Variants in CCDC80 observed in about 807,000 individuals in gnomAD.
The protein encoded by CCDC80 is coiled-coil domain-containing protein 80.
Under a neutral mutation model 78.7 loss-of-function variants are expected in CCDC80, and 49 were observed. The ratio of observed to expected loss-of-function variants is 0.62; its 90% CI spans 0.50 to 0.79. The LOEUF (loss-of-function observed/expected upper bound fraction) is 0.79, where lower values mean the gene tolerates loss of function less well. Among genes scored for constraint, CCDC80 ranks in the 30% least tolerant of loss-of-function variants. CCDC80 has a pLI of 0.00. For synonymous variants in CCDC80, 488 were observed against 447.0 expected (o/e 1.09, Z -1.16); for missense variants, 1,205 against 1,198.6 (o/e 1.01, Z -0.08).
chr3:112,609,552 A>G (rs1387603180), intron 6 of CCDC80, among the ~76,000 whole-genome samples: 1 of 152,194 alleles, frequency 6.6e-6, no homozygotes. Flanking sequence ...GCTTCAATTA[A>G]TATATTATTC....
chr3:112,623,709 C>T (rs1332467024), intron 3 of CCDC80, among the ~76,000 whole-genome samples: 1 of 152,154 alleles, frequency 6.6e-6, no homozygotes, highest in Non-Finnish European at 1.5e-5. Context: ...CATACAAGAT[C>T]ATTTATGGCA....
Position 112,630,288 on chromosome 3 carries a change from A to G in CCDC80, c.1879-19T>C. On this transcript the variant is annotated intron_variant, in intron 2 of 7. Coordinates refer to ENST00000206423, the MANE Select transcript of CCDC80 (RefSeq NM_199511.3). ...TGATCAGCTGGAGGTGGGTGAAGAC[A>G]AACAAATACTCATTTATAGTGATAG... 1.2e-6 allele frequency: 2 copies of G among 1,612,400 alleles called. No homozygotes were observed. The highest frequency in any genetic ancestry group is 1.7e-6 in the Non-Finnish European group (2 of 1,178,616).
Position 112,639,168 on chromosome 3 carries a change from C to T in CCDC80, c.738G>A (p.Glu246=). The change falls in exon 2 of 8, where the codon GAG becomes GAA. Residue 246 remains glutamate, a synonymous_variant. Coordinates refer to ENST00000206423, the MANE Select transcript of CCDC80 (RefSeq NM_199511.3). ...VLLKKTLQVE[E]RYPYPVRLEA... Reference sequence around the variant, plus strand: ...CCAGCCTAACGGGATATGGATAGCGCTCCTCCACCTGCAGCGTCTTCTTCA... The same window carrying T: ...CCAGCCTAACGGGATATGGATAGCGTTCCTCCACCTGCAGCGTCTTCTTCA... 1.2e-6 allele frequency: 2 copies of T among 1,614,168 alleles called. No individual in the cohort carries two copies. Among genetic ancestry groups the T allele is most frequent in the South Asian group, 1.1e-5 (1 of 91,076 alleles).
Position 112,605,712 on chromosome 3 carries a change from A to G in CCDC80, c.2558T>C (p.Ile853Thr). 5 of 1,614,202 alleles carry G rather than the reference A, an allele frequency of 3.1e-6. No homozygotes were observed. The highest frequency in any genetic ancestry group is 4.2e-6 in the Non-Finnish European group (5 of 1,180,022). Reference sequence around the variant, plus strand: ...CGGGCTCACTTGAAAATAGTTACGAATGTCTTTCACCAAATGGGCTGGTAC... The same window carrying G: ...CGGGCTCACTTGAAAATAGTTACGAGTGTCTTTCACCAAATGGGCTGGTAC... ...EDVPAHLVKDIRNYFQVSPEY... is the reference protein window; with the variant it reads ...EDVPAHLVKDTRNYFQVSPEY... The change falls in exon 8 of 8, where the codon ATT becomes ACT. Residue 853 changes from isoleucine (I) to threonine (T), a missense_variant. Coordinates refer to ENST00000206423, the MANE Select transcript of CCDC80 (RefSeq NM_199511.3).
intron 6 of CCDC80, among the ~76,000 whole-genome samples, chr3:112,608,080 G>A (rs952594190): frequency 6.6e-6 from 1 of 152,224 alleles, no homozygotes; most frequent in African/African-American, 2.4e-5. Flanking sequence ...CAGGAGGGAA[G>A]GTCATGCCTT....
At chr3:112,628,946 T>A (rs1423533910) in intron 3 of CCDC80, among the ~76,000 whole-genome samples, 2 of 152,186 alleles carry the variant, frequency 1.3e-5, no homozygotes, top group Non-Finnish European at 2.9e-5. Flanking sequence ...AATACTGTAT[T>A]GTGCACTTAA....
Position 112,639,308 on chromosome 3 carries a change from C to T in CCDC80, c.598G>A (p.Val200Met), listed in dbSNP as rs563161866. The T allele has an allele frequency of 7.4e-5, 119 of 1,614,084 alleles. 2 individuals carry two copies. In the South Asian group the frequency reaches 9.3e-4, roughly 13 times the overall value. ...FHQAGEEGGK[V>M]RRITSEGQIL... ...TGGCCCTCGCTGGTGATCCTTCTCACCTTGCCTCCTTCCTCACCTGCCTGG... is the reference window on the plus strand; with the variant it reads ...TGGCCCTCGCTGGTGATCCTTCTCATCTTGCCTCCTTCCTCACCTGCCTGG... Residue 200 changes from valine to methionine, a missense_variant, in exon 2 of 8, where the codon GTG becomes ATG. Coordinates refer to ENST00000206423, the MANE Select transcript of CCDC80 (RefSeq NM_199511.3).
intron 1 of CCDC80, among the ~76,000 whole-genome samples, 188 bp downstream of exon 1, chr3:112,640,139 C>T (rs1936313793): frequency 6.6e-6 from 1 of 152,174 alleles, no homozygotes; most frequent in Non-Finnish European, 1.5e-5. Context: ...GAGACAGTTA[C>T]ATTAAGCAGG....
chr3:112,630,060 T>C (rs1576792130), intron 3 of CCDC80, 53 bp downstream of exon 3: 38 of 1,545,168 alleles, frequency 2.5e-5, no homozygotes, highest in Admixed American at 1.0e-4. Flanking sequence ...ATAAAGTTTG[T>C]CCCACCTTAG....
intron 3 of CCDC80, among the ~76,000 whole-genome samples, chr3:112,625,864 T>A (rs1417077910): frequency 6.6e-6 from 1 of 152,164 alleles, no homozygotes; most frequent in East Asian, 1.9e-4. Flanking sequence ...AAAAAAGTAT[T>A]TCTTTGAAAA....
chr3:112,619,374 G>A (rs1045221049), intron 3 of CCDC80, among the ~76,000 whole-genome samples: 1 of 152,214 alleles, frequency 6.6e-6, no homozygotes. Flanking sequence ...AAGGAACAAA[G>A]TGAGAGTGGA....
chr3:112,640,916 C>G lies in CCDC80; in HGVS notation c.-601G>C, dbSNP rs1242473316. 1.3e-5 allele frequency: 2 copies of G among 152,132 alleles called. No individual in the cohort carries two copies. The highest frequency in any genetic ancestry group is 4.8e-5 in the African/African-American group (2 of 41,412). The allele number at this position is 152,132 out of a possible 1,614,324, so 9.4% of individuals were successfully genotyped here. ...CTGTGCTTCTCTCCTCCCTTTATTT[C>G]TCCCTACCTTTTTCCTCCTCTTTTT... On this transcript the variant is annotated 5_prime_UTR_variant, in exon 1 of 8. Transcript: ENST00000206423.
rs200633579 is a variant in CCDC80, at chr3:112,622,542, A to G, written c.2036-3438T>C. On this transcript the variant is annotated intron_variant, in intron 3 of 7. Coordinates refer to ENST00000206423, the MANE Select transcript of CCDC80 (RefSeq NM_199511.3). ...AGTGTTGAGGTTCTCTTTAGTCTGG[A>G]AAAGCAACATAGACTTGGCAGGTTC... 5.3e-5 allele frequency among the ~76,000 whole-genome samples: 8 copies of G among 152,342 alleles called. No homozygotes were observed. The East Asian group carries it at 9.6e-4, about 18-fold the overall frequency.
intron 3 of CCDC80, among the ~76,000 whole-genome samples, chr3:112,624,202 T>C (rs1246859684): frequency 1.3e-5 from 2 of 152,270 alleles, no homozygotes; most frequent in Admixed American, 1.3e-4. Flanking sequence ...CACAGTCTAA[T>C]GTAATTTGAG....
intron 6 of CCDC80, among the ~76,000 whole-genome samples, chr3:112,607,587 C>A (rs1935540890): frequency 6.6e-6 from 1 of 152,098 alleles, no homozygotes; most frequent in Non-Finnish European, 1.5e-5. Context: ...GAGATAGAGA[C>A]CACCCTGGCT....
chr3:112,630,046 T>C lies in CCDC80; in HGVS notation c.2035+67A>G. On this transcript the variant is annotated intron_variant, in intron 3 of 7. Coordinates refer to ENST00000206423, the MANE Select transcript of CCDC80 (RefSeq NM_199511.3). Reference sequence around the variant, plus strand: ...TTCTTTTGGATCCCCCATGTACCTCTACCATAAAGTTTGTCCCACCTTAGA... The same window carrying C: ...TTCTTTTGGATCCCCCATGTACCTCCACCATAAAGTTTGTCCCACCTTAGA... 7 of 1,458,352 alleles carry C rather than the reference T, an allele frequency of 4.8e-6. No homozygotes were observed. The Admixed American group carries it at 1.2e-4, about 25-fold the overall frequency. 90.3% of individuals were successfully genotyped at this position (1,458,352 alleles called of 1,614,324 possible).
rs577371765 is a variant in CCDC80, at chr3:112,598,516, T to G, written c.*6901A>C. ...AAAGAACGTTTGCCCATGGGCAGTC[T>G]TAGCTATTTAAAATCACCCACTTCT... On this transcript the variant is annotated 3_prime_UTR_variant, in exon 8 of 8. Coordinates refer to ENST00000206423, the MANE Select transcript of CCDC80 (RefSeq NM_199511.3). 20 of 152,488 alleles carry G rather than the reference T, an allele frequency of 1.3e-4. No homozygotes were observed. Among genetic ancestry groups the G allele is most frequent in the African/African-American group, 4.8e-4 (20 of 41,578 alleles). The allele number at this position is 152,488 out of a possible 1,614,324, so 9.4% of individuals were successfully genotyped here. A position where few individuals can be genotyped will look rare whatever the true frequency, so the allele number is the denominator to read the frequency against.
At chr3:112,627,817 T>C (rs7636528) in intron 3 of CCDC80, among the ~76,000 whole-genome samples, 15,344 of 150,278 alleles carry the variant, frequency 0.1, 863 homozygotes, top group South Asian at 0.2. Flanking sequence ...CCGGCTACCA[T>C]TCAGTGAGGA....
At chr3:112,606,438 G>T (rs1033814110) in intron 7 of CCDC80, among the ~76,000 whole-genome samples, 28 of 141,514 alleles carry the variant, frequency 2.0e-4, no homozygotes, top group African/African-American at 7.9e-4. Flanking sequence ...GTTTTGTTTT[G>T]TTTTTGAGAT....
Sources: gnomAD v4.1 joint callset for allele counts (sites outside exome capture counted in the v4.1 genomes callset) on GRCh38, gnomAD v4.1.1 for gene constraint, MANE v1.5 for transcripts, NCBI Gene and HGNC (gene_info 2026-07-23, HGNC 2026-07-21) for gene names.